Variants in ITGA9 observed in about 807,000 individuals in gnomAD.
ITGA9 encodes the protein integrin subunit alpha 9.
Under a neutral mutation model 127.8 loss-of-function variants are expected in ITGA9, and 56 were observed. The observed-to-expected ratio is 0.44, with a 90% CI of 0.35 to 0.55. ITGA9 has a LOEUF of 0.55. Among genes scored for constraint, ITGA9 ranks in the 20% least tolerant of loss-of-function variants. The pLI, the probability that ITGA9 is intolerant of heterozygous loss-of-function variation, is 0.00. For synonymous variants in ITGA9, 508 were observed against 514.5 expected (o/e 0.99, Z 0.17); for missense variants, 1,196 against 1,347.1 (o/e 0.89, Z 1.76).
intron 18 of ITGA9, among the ~76,000 whole-genome samples, chr3:37,704,325 CCCGCGTGT>C (rs1700980056): frequency 6.6e-6 from 1 of 152,182 alleles, no homozygotes; most frequent in Non-Finnish European, 1.5e-5. Context: ...TCCTGAGGTG[CCCGCGTGT>C]CTCCACTCCA....
intron 27 of ITGA9, chr3:37,808,096 C>T (rs1697320271): frequency 6.6e-6 from 1 of 152,122 alleles, no homozygotes; most frequent in African/African-American, 2.4e-5. Flanking sequence ...CTTGGCTACA[C>T]ATCCGCATCA....
chr3:37,563,231 T>G lies in ITGA9; in HGVS notation c.1689+20646T>G, dbSNP rs114615653. The stretch of plus-strand genomic sequence containing the variant: ...AACAGTTGTGCAAAACAATTCTGTT[T>G]GTTGGTTATCATGGGTAGACTAATA... On this transcript the variant is annotated intron_variant, in intron 15 of 27. Coordinates refer to ENST00000264741, the MANE Select transcript of ITGA9 (RefSeq NM_002207.3). Among the ~76,000 whole-genome samples the G allele has an allele frequency of 4.4e-3, 667 of 152,328 alleles. 2 individuals are homozygous for G. Among genetic ancestry groups the G allele is most frequent in the African/African-American group, 0.015 (637 of 41,574 alleles).
intron 16 of ITGA9, among the ~76,000 whole-genome samples, chr3:37,631,057 T>C (rs1230404432): frequency 6.6e-6 from 1 of 152,232 alleles, no homozygotes; most frequent in Non-Finnish European, 1.5e-5. Flanking sequence ...CATGGTATTA[T>C]GGTAACTTCT....
intron 17 of ITGA9, among the ~76,000 whole-genome samples, chr3:37,667,279 A>T (rs765459125): frequency 6.6e-6 from 1 of 152,158 alleles, no homozygotes; most frequent in African/African-American, 2.4e-5. Context: ...CTCCAGTACT[A>T]TGATAACTAT....
intron 15 of ITGA9, among the ~76,000 whole-genome samples, chr3:37,603,438 T>C (rs532746934): frequency 6.6e-6 from 1 of 152,282 alleles, no homozygotes; most frequent in South Asian, 2.1e-4. Context: ...CATCAAGGAC[T>C]TGTGTGTTCT....
intron 11 of ITGA9, among the ~76,000 whole-genome samples, chr3:37,519,655 G>A (rs1216803352): frequency 2.0e-5 from 3 of 152,202 alleles, no homozygotes; most frequent in African/African-American, 4.8e-5. Flanking sequence ...TCTCTTTTTG[G>A]TGACTACTTT....
At chr3:37,729,887 A>G (rs1575211466) in intron 18 of ITGA9, among the ~76,000 whole-genome samples, 2 of 152,094 alleles carry the variant, frequency 1.3e-5, no homozygotes, top group African/African-American at 4.8e-5. Context: ...TATTTGTAGT[A>G]GAAACAGGGT....
chr3:37,779,171 C>G (rs1273588942), intron 24 of ITGA9, among the ~76,000 whole-genome samples: 1 of 152,136 alleles, frequency 6.6e-6, no homozygotes, highest in Non-Finnish European at 1.5e-5. Context: ...GTGGCATGAT[C>G]TCGGCTCACT....
chr3:37,613,133 TC>T (rs1426575663), intron 15 of ITGA9, among the ~76,000 whole-genome samples: 30 of 129,946 alleles, frequency 2.3e-4, no homozygotes, highest in Non-Finnish European at 4.7e-4. Flanking sequence ...CCCACAACAG[TC>T]CCCAGTATGT....
At chr3:37,550,595 AGTT>A (rs1384436581) in intron 15 of ITGA9, among the ~76,000 whole-genome samples, 3 of 152,272 alleles carry the variant, frequency 2.0e-5, no homozygotes, top group African/African-American at 7.2e-5. Flanking sequence ...AATAGCACAC[AGTT>A]GTTTAGTATT....
Position 37,519,160 on chromosome 3 carries a change from T to G in ITGA9, c.1142-100T>G, listed in dbSNP as rs149923267. ...CTTGAACAATCAACAACCAATAATT[T>G]CTGGTATCCAGGGACTCAGACATGA... On this transcript the variant is annotated intron_variant, in intron 10 of 27. Transcript: ENST00000264741. 1.2e-3 allele frequency: 984 copies of G among 818,640 alleles called. 8 individuals carry two copies. The African/African-American group carries it at 0.015, about 13-fold the overall frequency. The allele number at this position is 818,640 out of a possible 1,614,324, so 50.7% of individuals were successfully genotyped here. A position where few individuals can be genotyped will look rare whatever the true frequency, so the allele number is the denominator to read the frequency against.
At chr3:37,747,900 T>C (rs1246713204) in intron 22 of ITGA9, among the ~76,000 whole-genome samples, 1 of 152,022 alleles carries the variant, frequency 6.6e-6, no homozygotes, top group East Asian at 1.9e-4. Context: ...AGCTAATTTT[T>C]TTTGTGGAGA....
At chr3:37,489,838 A>G (rs1698649953) in intron 4 of ITGA9, among the ~76,000 whole-genome samples, 1 of 152,146 alleles carries the variant, frequency 6.6e-6, no homozygotes, top group Non-Finnish European at 1.5e-5. Flanking sequence ...CTTGAACATA[A>G]ATTTAATTTT....
intron 23 of ITGA9, among the ~76,000 whole-genome samples, chr3:37,757,003 A>G (rs1696660552): frequency 6.7e-6 from 1 of 149,380 alleles, no homozygotes; most frequent in Admixed American, 6.6e-5. Context: ...ATCAAAACCA[A>G]TGGGATTTAG....
intron 18 of ITGA9, among the ~76,000 whole-genome samples, chr3:37,705,412 A>G (rs1452034852): frequency 6.6e-6 from 1 of 152,234 alleles, no homozygotes; most frequent in Admixed American, 6.5e-5. Flanking sequence ...CATGTTACAT[A>G]TAGAACAAGG....
chr3:37,486,187 C>A (rs79245167), intron 4 of ITGA9, among the ~76,000 whole-genome samples: 27,561 of 151,928 alleles, frequency 0.18, 2,544 homozygotes, highest in Middle Eastern at 0.22. Flanking sequence ...TTATTGTGAC[C>A]GAAAAACCTG....
intron 18 of ITGA9, among the ~76,000 whole-genome samples, chr3:37,718,851 A>C (rs952988045): frequency 1.3e-5 from 2 of 152,190 alleles, no homozygotes; most frequent in African/African-American, 2.4e-5. Flanking sequence ...TAGGATTGTC[A>C]TCGTCACCTT....
chr3:37,556,349 A>G (rs531294128), intron 15 of ITGA9, among the ~76,000 whole-genome samples: 1 of 152,288 alleles, frequency 6.6e-6, no homozygotes, highest in East Asian at 1.9e-4. Flanking sequence ...CTGCATTTGG[A>G]AGGGGTCAAG....
intron 15 of ITGA9, among the ~76,000 whole-genome samples, chr3:37,555,146 G>A (rs888538440): frequency 6.6e-6 from 1 of 152,208 alleles, no homozygotes; most frequent in African/African-American, 2.4e-5. Flanking sequence ...GCAGGAAGAA[G>A]TGGGACATGC....
Sources: gnomAD v4.1 joint callset for allele counts (sites outside exome capture counted in the v4.1 genomes callset) on GRCh38, gnomAD v4.1.1 for gene constraint, MANE v1.5 for transcripts, NCBI Gene and HGNC (gene_info 2026-07-23, HGNC 2026-07-21) for gene names.